KLRD1: variants seen among roughly 807,000 people sequenced by gnomAD.
The protein encoded by KLRD1 is killer cell lectin like receptor D1.
KLRD1 carries 21 observed loss-of-function variants against 22.6 expected under a neutral mutation model. That is an observed-to-expected ratio of 0.93 (90% CI 0.66 to 1.34). KLRD1 has a LOEUF of 1.34. KLRD1 is among the 40% of genes most tolerant of loss of function. The pLI, the probability that KLRD1 is intolerant of heterozygous loss-of-function variation, is 0.00. For synonymous variants in KLRD1, 59 were observed against 71.1 expected (o/e 0.83, Z 0.85); for missense variants, 183 against 208.6 (o/e 0.88, Z 0.76).
At chr12:10,253,082 A>G (rs1949360122) in intron 1 of KLRD1, among the ~76,000 whole-genome samples, 1 of 152,124 alleles carries the variant, frequency 6.6e-6, no homozygotes. Context: ...GAACTTAATT[A>G]TAATGTACAT....
upstream of KLRD1, among the ~76,000 whole-genome samples, chr12:10,301,986 CACG>C (rs1949870202): frequency 6.6e-6 from 1 of 152,150 alleles, no homozygotes. Context: ...GCAGAACACA[CACG>C]ACATTTACTA....
At chr12:10,278,517 T>C (rs1022385589) in intron 1 of KLRD1, among the ~76,000 whole-genome samples, 1 of 152,216 alleles carries the variant, frequency 6.6e-6, no homozygotes, top group African/African-American at 2.4e-5. Context: ...TCATCTCTTC[T>C]TGGTCCACAT....
intron 1 of KLRD1, among the ~76,000 whole-genome samples, chr12:10,263,766 A>G (rs141879339): frequency 1.5e-4 from 23 of 152,240 alleles, no homozygotes; most frequent in African/African-American, 4.3e-4. Context: ...AATAAATGTC[A>G]TAAGTATTGC....
intron 3 of KLRD1, 76 bp from the exon 4 acceptor site, chr12:10,311,388 T>G: frequency 7.2e-7 from 1 of 1,394,718 alleles, no homozygotes; most frequent in Non-Finnish European, 1.0e-6. Flanking sequence ...AGCAAATAAT[T>G]TTTGAATAAT....
At chr12:10,239,434 T>TTTCC (rs1190408287) in intron 1 of KLRD1, among the ~76,000 whole-genome samples, 6,140 of 41,362 alleles carry the variant, frequency 0.15, 740 homozygotes, top group Middle Eastern at 0.25. Context: ...CCTTCCTTCC[T>TTTCC]TTCCTTCCTT....
At chr12:10,285,111 T>C (rs1264544837) in intron 1 of KLRD1, among the ~76,000 whole-genome samples, 1 of 152,232 alleles carries the variant, frequency 6.6e-6, no homozygotes, top group Non-Finnish European at 1.5e-5. Flanking sequence ...AGATTTCTCT[T>C]CATTATCTGG....
chr12:10,267,146 T>A (rs1949508323), intron 1 of KLRD1, among the ~76,000 whole-genome samples: 1 of 150,642 alleles, frequency 6.6e-6, no homozygotes, highest in Non-Finnish European at 1.5e-5. Context: ...TATTTCAATA[T>A]GTATTTTATT....
upstream of KLRD1, among the ~76,000 whole-genome samples, chr12:10,306,698 A>G (rs2137684503): frequency 6.6e-6 from 1 of 152,314 alleles, no homozygotes; most frequent in African/African-American, 2.4e-5. Flanking sequence ...AGATTTGCAT[A>G]CAGTCTGGAT....
In KLRD1 at chr12:10,314,884, T is replaced by C. The variant is rs138408597; in HGVS notation, c.*91T>C. On this transcript the variant is annotated 3_prime_UTR_variant, in exon 6 of 6. Transcript: ENST00000336164. ...TGTTATATTATTACTAATTGTCTACTTCTGGAGTCTATAAAATGTTTTTAA... is the reference window on the plus strand; with the variant it reads ...TGTTATATTATTACTAATTGTCTACCTCTGGAGTCTATAAAATGTTTTTAA... 2,338 of 1,198,254 alleles carry C rather than the reference T, an allele frequency of 2.0e-3. 31 individuals are homozygous for C. In the African/African-American group the frequency reaches 0.032, roughly 16 times the overall value. 74.2% of individuals were successfully genotyped at this position (1,198,254 alleles called of 1,614,324 possible).
At chr12:10,246,446 A>AT (rs1395975246) in intron 1 of KLRD1, among the ~76,000 whole-genome samples, 2 of 152,314 alleles carry the variant, frequency 1.3e-5, no homozygotes, top group East Asian at 3.9e-4. Context: ...ACAGGTTCTT[A>AT]TACAGTTCAG....
chr12:10,261,355 A>G (rs1390983001), intron 1 of KLRD1, among the ~76,000 whole-genome samples: 2 of 152,238 alleles, frequency 1.3e-5, no homozygotes, highest in East Asian at 3.8e-4. Flanking sequence ...AATAATATAG[A>G]AGTAATAGTC....
At chr12:10,306,070 G>A (rs1017189594), upstream of KLRD1, among the ~76,000 whole-genome samples, 3 of 152,102 alleles carry the variant, frequency 2.0e-5, no homozygotes, top group Admixed American at 1.3e-4. Context: ...TCGGTAGGCC[G>A]AGGCAGGAGA....
At chr12:10,305,265 A>G (rs1480004206), upstream of KLRD1, among the ~76,000 whole-genome samples, 1 of 152,224 alleles carries the variant, frequency 6.6e-6, no homozygotes, top group Non-Finnish European at 1.5e-5. Flanking sequence ...AGTCCTGCAA[A>G]GAGAGACGTT....
chr12:10,260,872 G>A (rs540343577), intron 1 of KLRD1, among the ~76,000 whole-genome samples: 1 of 152,160 alleles, frequency 6.6e-6, no homozygotes, highest in South Asian at 2.1e-4. Context: ...AACCCGGGAG[G>A]TGGAGCTTGC....
chr12:10,252,954 T>TAAA (rs11460315), intron 1 of KLRD1, among the ~76,000 whole-genome samples: 75 of 145,264 alleles, frequency 5.2e-4, no homozygotes, highest in Non-Finnish European at 7.8e-4. Flanking sequence ...TGGGCAGTTG[T>TAAA]AAAAAAAAAA....
At chr12:10,277,127 T>G (rs1016176728) in intron 1 of KLRD1, among the ~76,000 whole-genome samples, 11 of 150,766 alleles carry the variant, frequency 7.3e-5, no homozygotes, top group African/African-American at 2.4e-4. Context: ...TTTTTTTTTT[T>G]TTTTTTTTTT....
At chr12:10,300,309 A>G (rs1949856136), upstream of KLRD1, among the ~76,000 whole-genome samples, 2 of 152,216 alleles carry the variant, frequency 1.3e-5, no homozygotes, top group South Asian at 4.1e-4. Flanking sequence ...ATGACTCCTC[A>G]ATTCAAGGGC....
intron 1 of KLRD1, among the ~76,000 whole-genome samples, chr12:10,253,357 G>A (rs1949362642): frequency 6.6e-6 from 1 of 152,052 alleles, no homozygotes. Context: ...GTTTCATTTT[G>A]TTTAGTTTTC....
At chr12:10,261,951 T>A (rs1949457990) in intron 1 of KLRD1, among the ~76,000 whole-genome samples, 1 of 152,144 alleles carries the variant, frequency 6.6e-6, no homozygotes, top group Admixed American at 6.5e-5. Flanking sequence ...CCCTTTAGTT[T>A]CTGTGTCTAT....
Sources: allele counts gnomAD v4.1 joint callset (sites outside exome capture counted in the v4.1 genomes callset), GRCh38; gene constraint gnomAD v4.1.1; transcripts MANE v1.5; gene names NCBI Gene and HGNC (gene_info 2026-07-23, HGNC 2026-07-21).